Variants in JAZF1 observed in about 807,000 individuals in gnomAD.
JAZF1 encodes the protein juxtaposed with another zinc finger protein 1.
A neutral mutation model predicts 26.4 loss-of-function variants in JAZF1; 8 were observed. The observed-to-expected ratio is 0.30, with a 90% CI of 0.18 to 0.55. The LOEUF (loss-of-function observed/expected upper bound fraction) is 0.55, where lower values mean the gene tolerates loss of function less well. Ranked by LOEUF, JAZF1 falls within the 20% of genes least tolerant of loss-of-function variation. The pLI, the probability that JAZF1 is intolerant of heterozygous loss-of-function variation, is 0.94. For synonymous variants in JAZF1, 126 were observed against 122.3 expected, an observed-to-expected ratio of 1.03 and a Z score of -0.20; for missense variants, 199 against 322.0, an observed-to-expected ratio of 0.62 and a Z score of 2.92.
chr7:28,087,679 A>T (rs1251100427), intron 1 of JAZF1, among the ~76,000 whole-genome samples: 1 of 152,156 alleles, frequency 6.6e-6, no homozygotes, highest in Middle Eastern at 3.2e-3. Context: ...TCAAGGACTC[A>T]TTTTCTTAGG....
intron 1 of JAZF1, among the ~76,000 whole-genome samples, chr7:27,994,858 T>C (rs1156816867): frequency 1.3e-5 from 2 of 152,176 alleles, no homozygotes; most frequent in Non-Finnish European, 2.9e-5. Flanking sequence ...AAAAGTGTAA[T>C]AGCTGCCTTC....
At chr7:27,972,530 A>G (rs1785391932) in intron 2 of JAZF1, among the ~76,000 whole-genome samples, 1 of 152,250 alleles carries the variant, frequency 6.6e-6, no homozygotes, top group African/African-American at 2.4e-5. Context: ...CAAGTGTGAC[A>G]GGAAGCCTTT....
chr7:28,004,450 T>C (rs1156628139), intron 1 of JAZF1, among the ~76,000 whole-genome samples: 3 of 151,720 alleles, frequency 2.0e-5, no homozygotes, highest in East Asian at 1.9e-4. Flanking sequence ...AAGATTCTAA[T>C]ATGCAGTCAG....
rs114037577 is a variant in JAZF1 at position 28,131,098 on chromosome 7, T to C, written c.115+49365A>G. ...AAACAAAGGATTCTCAGGCCTCACATCAGAGATTCTGGAGCTTTTAACTTA... is the reference window on the plus strand; with the variant it reads ...AAACAAAGGATTCTCAGGCCTCACACCAGAGATTCTGGAGCTTTTAACTTA... On this transcript the variant is annotated intron_variant, in intron 1 of 4. Coordinates refer to ENST00000283928, the MANE Select transcript of JAZF1 (RefSeq NM_175061.4). Among the ~76,000 whole-genome samples the C allele has an allele frequency of 7.0e-3, 1,059 of 152,294 alleles. 14 individuals are homozygous for C. Among genetic ancestry groups the C allele is most frequent in the African/African-American group, 0.024 (987 of 41,572 alleles).
At chr7:27,991,225 A>T (rs1227242298) in intron 2 of JAZF1, among the ~76,000 whole-genome samples, 1 of 152,168 alleles carries the variant, frequency 6.6e-6, no homozygotes, top group Non-Finnish European at 1.5e-5. Context: ...TCTCATTAAA[A>T]ACTAGTTTTG....
chr7:27,863,957 G>A (rs1783425110), intron 3 of JAZF1: 1 of 152,232 alleles, frequency 6.6e-6, no homozygotes, highest in Non-Finnish European at 1.5e-5. Context: ...ATGCTTGTGG[G>A]CAGTGGCACT....
intron 1 of JAZF1, among the ~76,000 whole-genome samples, chr7:28,145,931 T>C (rs866621200): frequency 6.6e-6 from 1 of 152,226 alleles, no homozygotes; most frequent in South Asian, 2.1e-4. Context: ...TTGAGAGTCA[T>C]GCATGTTGCT....
chr7:28,130,196 C>A (rs963980118), intron 1 of JAZF1, among the ~76,000 whole-genome samples: 2 of 152,158 alleles, frequency 1.3e-5, no homozygotes, highest in South Asian at 2.1e-4. Flanking sequence ...CTGGATACAT[C>A]TACAATATAT....
chr7:27,883,588 T>A (rs1447837847), intron 3 of JAZF1, among the ~76,000 whole-genome samples: 1 of 152,246 alleles, frequency 6.6e-6, no homozygotes, highest in Non-Finnish European at 1.5e-5. Flanking sequence ...CTGGACTACT[T>A]AGAGTTTCTG....
rs1328519708 is a variant in JAZF1, at chr7:28,010,436, C to T, written c.116-18455G>A. On this transcript the variant is annotated intron_variant, in intron 1 of 4. Transcript: ENST00000283928. ...GTCCCGGGTGCCTCAACATCTCTTA[C>T]CCTGCCACACCCCTATAAATAGCCC... Among the ~76,000 whole-genome samples, 8 of 152,170 alleles carry T rather than the reference C, an allele frequency of 5.3e-5. 1 individual carries two copies. The highest frequency in any genetic ancestry group is 1.5e-5 in the Non-Finnish European group (1 of 68,022).
chr7:28,109,253 C>T (rs1562590285), intron 1 of JAZF1, among the ~76,000 whole-genome samples: 1 of 152,146 alleles, frequency 6.6e-6, no homozygotes, highest in Non-Finnish European at 1.5e-5. Flanking sequence ...GGTGATGGGT[C>T]AGTTAATTAG....
At chr7:27,930,185 CAG>C (rs1177399666) in intron 2 of JAZF1, among the ~76,000 whole-genome samples, 1 of 152,026 alleles carries the variant, frequency 6.6e-6, no homozygotes, top group African/African-American at 2.4e-5. Flanking sequence ...TTAGTAGAGA[CAG>C]GGTTTCACTG....
intron 3 of JAZF1, chr7:27,843,911 C>G (rs1262313046): frequency 6.6e-6 from 1 of 152,258 alleles, no homozygotes; most frequent in Non-Finnish European, 1.5e-5. Context: ...AGAAAATAAA[C>G]AAAATGCTAT....
chr7:27,862,614 T>C (rs1452274925), intron 3 of JAZF1, among the ~76,000 whole-genome samples: 1 of 152,214 alleles, frequency 6.6e-6, no homozygotes, highest in Non-Finnish European at 1.5e-5. Context: ...TTTCTGGGAT[T>C]ATTGAATGTG....
intron 1 of JAZF1, among the ~76,000 whole-genome samples, chr7:28,035,154 T>G (rs1345442021): frequency 6.6e-6 from 1 of 151,072 alleles, no homozygotes; most frequent in Non-Finnish European, 1.5e-5. Flanking sequence ...TCATCTCTAC[T>G]AAAAATACGA....
chr7:28,179,683 C>T (rs1783605258), intron 1 of JAZF1, among the ~76,000 whole-genome samples: 2 of 148,434 alleles, frequency 1.3e-5, no homozygotes, highest in Admixed American at 1.3e-4. Flanking sequence ...GCGTCCGCGC[C>T]AGGCCGGGGC....
At chr7:27,863,832 A>T (rs1334240095) in intron 3 of JAZF1, 1 of 152,198 alleles carries the variant, frequency 6.6e-6, no homozygotes, top group Non-Finnish European at 1.5e-5. Context: ...AGACACACAA[A>T]AACGTCACCT....
At chr7:28,120,496 C>T (rs1360593052) in intron 1 of JAZF1, among the ~76,000 whole-genome samples, 10 of 74,650 alleles carry the variant, frequency 1.3e-4, no homozygotes, top group South Asian at 6.0e-4. Flanking sequence ...TAGCCACACA[C>T]AGTTCTTTTT....
chr7:28,110,299 G>A (rs906135660), intron 1 of JAZF1, among the ~76,000 whole-genome samples: 10 of 151,688 alleles, frequency 6.6e-5, no homozygotes, highest in Non-Finnish European at 1.3e-4. Context: ...GGTGGTGTGT[G>A]CCTGTAATCT....
Sources: gnomAD v4.1 joint callset for allele counts (sites outside exome capture counted in the v4.1 genomes callset) on GRCh38, gnomAD v4.1.1 for gene constraint, MANE v1.5 for transcripts, NCBI Gene and HGNC (gene_info 2026-07-23, HGNC 2026-07-21) for gene names.